The following FIRRM variants were observed in gnomAD, a reference collection of about 807,000 sequenced individuals.
FIRRM encodes the protein FIGNL1 interacting regulator of recombination and mitosis.
chr1:169,793,808 T>G, the FIRRM span: 1 of 979,088 alleles, frequency 1.0e-6, no homozygotes, highest in Non-Finnish European at 1.5e-6. Flanking sequence ...TGGGCCCAAT[T>G]TCTCTTTAGC....
At chr1:169,811,865 T>A in the FIRRM span, among the ~76,000 whole-genome samples, 2 of 142,608 alleles carry the variant, frequency 1.4e-5, no homozygotes, top group Non-Finnish European at 3.0e-5. Flanking sequence ...AATAGATAGA[T>A]AGATTAGATA....
chr1:169,810,899 C>CCGGACTG, the FIRRM span, among the ~76,000 whole-genome samples: 21 of 117,728 alleles, frequency 1.8e-4, no homozygotes, highest in Non-Finnish European at 2.8e-4. Flanking sequence ...GTCGCCCAGG[C>CCGGACTG]CGGACTGCGG....
At chr1:169,822,529 T>G in the FIRRM span, among the ~76,000 whole-genome samples, 1 of 152,224 alleles carries the variant, frequency 6.6e-6, no homozygotes, top group South Asian at 2.1e-4. Context: ...AGACAGAGTC[T>G]CGCTCTGTTG....
chr1:169,789,091 C>T, the FIRRM span, among the ~76,000 whole-genome samples: 16,655 of 152,092 alleles, frequency 0.11, 1,073 homozygotes, highest in Admixed American at 0.19. Flanking sequence ...TCCTGGGTTG[C>T]GCTAGTTATG....
the FIRRM span, chr1:169,832,485 C>T: frequency 6.2e-6 from 10 of 1,612,956 alleles, no homozygotes; most frequent in Non-Finnish European, 8.5e-6. Flanking sequence ...GTCTCTTTTT[C>T]TTCATGGCAC....
the FIRRM span, chr1:169,823,474 TAAG>T: frequency 6.3e-7 from 1 of 1,585,928 alleles, no homozygotes; most frequent in Non-Finnish European, 8.6e-7. Context: ...GATACACAGG[TAAG>T]AAGAATGCCA....
At chr1:169,829,774 A>G in the FIRRM span, among the ~76,000 whole-genome samples, 1 of 152,328 alleles carries the variant, frequency 6.6e-6, no homozygotes, top group East Asian at 1.9e-4. Flanking sequence ...CAGACATAAT[A>G]TAGATTTTAA....
At chr1:169,790,343 C>T in the FIRRM span, among the ~76,000 whole-genome samples, 163 of 152,172 alleles carry the variant, frequency 1.1e-3, no homozygotes, top group Middle Eastern at 3.4e-3. Context: ...TGCACCACCA[C>T]GCCCACCTAA....
the FIRRM span, among the ~76,000 whole-genome samples, chr1:169,819,207 G>C: frequency 6.6e-6 from 1 of 152,158 alleles, no homozygotes; most frequent in East Asian, 1.9e-4. Flanking sequence ...GCATTTCATT[G>C]CAAAGTAACC....
chr1:169,792,779 T>C, the FIRRM span: 1 of 1,612,952 alleles, frequency 6.2e-7, no homozygotes, highest in South Asian at 1.1e-5. Flanking sequence ...GAAAGTCTGG[T>C]GCAAATTACT....
chr1:169,807,385 T>C, the FIRRM span, among the ~76,000 whole-genome samples: 1 of 152,318 alleles, frequency 6.6e-6, no homozygotes, highest in African/African-American at 2.4e-5. Context: ...TTAGATTAGG[T>C]CTCTCTATTG....
At chr1:169,817,201 C>A in the FIRRM span, among the ~76,000 whole-genome samples, 1 of 152,194 alleles carries the variant, frequency 6.6e-6, no homozygotes, top group Admixed American at 6.5e-5. Context: ...TCCACGAACA[C>A]TCCATCTCTT....
At chr1:169,843,687 C>A in the FIRRM span, 2 of 1,611,970 alleles carry the variant, frequency 1.2e-6, no homozygotes, top group Admixed American at 3.3e-5. Context: ...GCAGATCAAC[C>A]TTATGTTCAA....
chr1:169,853,570 T>C, the FIRRM span: 5 of 817,550 alleles, frequency 6.1e-6, no homozygotes, highest in African/African-American at 6.8e-5. Flanking sequence ...CCTACTTCAG[T>C]TGGCACAGAC....
chr1:169,793,112 C>T, the FIRRM span: 3 of 1,614,062 alleles, frequency 1.9e-6, no homozygotes, highest in Admixed American at 1.7e-5. Flanking sequence ...TGATCCACAA[C>T]CAAGATCCAA....
the FIRRM span, chr1:169,853,019 C>T: frequency 6.3e-7 from 1 of 1,580,376 alleles, no homozygotes; most frequent in Admixed American, 1.8e-5. Flanking sequence ...GGGTTTGATG[C>T]TTTGTCAACT....
chr1:169,852,938 T>G, the FIRRM span: 3 of 1,613,994 alleles, frequency 1.9e-6, no homozygotes, highest in Non-Finnish European at 2.5e-6. Context: ...ATGGAGGCGC[T>G]CCAAGAAAGG....
chr1:169,831,706 A>G, the FIRRM span, among the ~76,000 whole-genome samples: 65 of 152,320 alleles, frequency 4.3e-4, no homozygotes, highest in African/African-American at 1.5e-3. Context: ...GAATGATACT[A>G]TATTATGATA....
the FIRRM span, among the ~76,000 whole-genome samples, chr1:169,840,968 T>G: frequency 6.6e-6 from 1 of 152,248 alleles, no homozygotes; most frequent in Non-Finnish European, 1.5e-5. Context: ...TTGCTCTGGC[T>G]TGAACTTTCA....
Sources: gnomAD v4.1 joint callset for allele counts (sites outside exome capture counted in the v4.1 genomes callset) on GRCh38, gnomAD v4.1.1 for gene constraint, MANE v1.5 for transcripts, NCBI Gene and HGNC (gene_info 2026-07-23, HGNC 2026-07-21) for gene names.